CCDC170: variants seen among roughly 807,000 people sequenced by gnomAD.
CCDC170 encodes coiled-coil domain-containing protein 170.
CCDC170 carries 69 observed loss-of-function variants against 72.6 expected under a neutral mutation model. That is an observed-to-expected ratio of 0.95 (90% confidence interval 0.78 to 1.16). The LOEUF (loss-of-function observed/expected upper bound fraction) is 1.16, where lower values mean the gene tolerates loss of function less well. Among genes scored for constraint, CCDC170 ranks in the 50% most tolerant of loss-of-function variants. The pLI, the probability that CCDC170 is intolerant of heterozygous loss-of-function variation, is 0.00. For synonymous variants in CCDC170, 300 were observed against 303.9 expected, an observed-to-expected ratio of 0.99 and a Z score of 0.13; for missense variants, 852 against 832.5, an observed-to-expected ratio of 1.02 and a Z score of -0.29.
At chr6:151,586,839 C>T (rs1776457538) in intron 7 of CCDC170, among the ~76,000 whole-genome samples, 2 of 151,998 alleles carry the variant, frequency 1.3e-5, no homozygotes. Flanking sequence ...GGCTGGAGTG[C>T]AGTGGCGTGA....
At chr6:151,536,506 A>G (rs974176926) in intron 2 of CCDC170, 60 bp downstream of exon 2, 45 of 1,588,096 alleles carry the variant, frequency 2.8e-5, no homozygotes, top group Non-Finnish European at 3.4e-5. Flanking sequence ...ATAAAATGAA[A>G]CAGATCACGC....
chr6:151,549,721 C>T (rs916856292), intron 5 of CCDC170, among the ~76,000 whole-genome samples: 3 of 152,194 alleles, frequency 2.0e-5, no homozygotes, highest in Non-Finnish European at 4.4e-5. Flanking sequence ...GCCATTGAGC[C>T]CTGCCCCAGT....
In CCDC170 at chr6:151,618,179, G is replaced by A; in HGVS notation, c.*32G>A. 1 of 1,560,712 alleles carries A rather than the reference G, an allele frequency of 6.4e-7. No individual in the cohort carries two copies. On this transcript the variant is annotated 3_prime_UTR_variant, in exon 11 of 11. Coordinates refer to ENST00000239374, the MANE Select transcript of CCDC170 (RefSeq NM_025059.4). ...TATCTCTTGAGAGAGGTGGCCATAAGACATGGCACACAATTCCCAATTTCA... is the reference window on the plus strand; with the variant it reads ...TATCTCTTGAGAGAGGTGGCCATAAAACATGGCACACAATTCCCAATTTCA...
At chr6:151,533,439 A>G (rs909354338) in intron 1 of CCDC170, among the ~76,000 whole-genome samples, 2 of 151,916 alleles carry the variant, frequency 1.3e-5, no homozygotes, top group African/African-American at 2.4e-5. Context: ...AGGCTGAGGC[A>G]GGCAGATCAC....
intron 1 of CCDC170, among the ~76,000 whole-genome samples, chr6:151,529,446 C>T (rs1222460679): frequency 6.6e-6 from 1 of 152,080 alleles, no homozygotes; most frequent in African/African-American, 2.4e-5. Flanking sequence ...ATCACGAGGT[C>T]AAGAGATCGA....
chr6:151,600,569 G>T (rs935026328), intron 9 of CCDC170, among the ~76,000 whole-genome samples: 2 of 151,760 alleles, frequency 1.3e-5, no homozygotes, highest in African/African-American at 4.8e-5. Context: ...ACCTGCAAAG[G>T]CCCTTATCTA....
chr6:151,599,210 C>A (rs1776668144), intron 9 of CCDC170, among the ~76,000 whole-genome samples: 1 of 152,194 alleles, frequency 6.6e-6, no homozygotes, highest in Admixed American at 6.5e-5. Flanking sequence ...TGATCTAACA[C>A]TTTTGAAGAA....
chr6:151,536,348 G>T lies in CCDC170; in HGVS notation c.88G>T (p.Val30Phe). The T allele has an allele frequency of 1.9e-6, 3 of 1,614,106 alleles. No individual in the cohort carries two copies. The highest frequency in any genetic ancestry group is 1.3e-5 in the African/African-American group (1 of 75,040). Residue 30 changes from valine to phenylalanine, a missense_variant, in exon 2 of 11, where the codon GTC becomes TTC. Transcript: ENST00000239374. Reference protein sequence around the residue: ...ETYDHLSEVPVTREQLNHYRN... With the variant: ...ETYDHLSEVPFTREQLNHYRN... ...TTACGATCATCTTTCGGAAGTCCCG[G>T]TCACGCGGGAGCAGTTAAACCACTA...
intron 7 of CCDC170, among the ~76,000 whole-genome samples, chr6:151,588,747 C>G (rs190228797): frequency 3.3e-5 from 5 of 152,040 alleles, no homozygotes; most frequent in Admixed American, 3.3e-4. Context: ...TCAAGACCAG[C>G]CTGGGCAACA....
chr6:151,588,605 T>C (rs917309908), intron 7 of CCDC170, among the ~76,000 whole-genome samples: 1 of 152,134 alleles, frequency 6.6e-6, no homozygotes, highest in Non-Finnish European at 1.5e-5. Context: ...GCTTTTTCTG[T>C]TAGATGTCTG....
In CCDC170 at chr6:151,538,052, AC is replaced by A; in HGVS notation, c.196del (p.Leu66SerfsTer15). On this transcript the variant is annotated frameshift_variant, in exon 3 of 11. Transcript: ENST00000239374. LOFTEE classifies it high-confidence loss of function. ...ACTTCTTTTCCATGTTAGCTTCAAG[AC>A]CTCCGATCCAAGATGCTTTCTAAAG... ...KFECAQSELQDLRSKMLSKEV... is the reference protein window; with the variant it reads ...KFECAQSELQXLRSKMLSKEV... The A allele has an allele frequency of 1.2e-6, 2 of 1,605,588 alleles. No homozygotes were observed. Among genetic ancestry groups the A allele is most frequent in the Non-Finnish European group, 1.7e-6 (2 of 1,177,204 alleles).
rs138188575 is a variant in CCDC170, at chr6:151,543,704, G to A, written c.444-868G>A. On this transcript the variant is annotated intron_variant, in intron 3 of 10. Coordinates refer to ENST00000239374, the MANE Select transcript of CCDC170 (RefSeq NM_025059.4). ...TCAATTTTTTGTAGCTTCCACATAT[G>A]AGTGAAAACATGAGGTAATTATCTT... Among the ~76,000 whole-genome samples the A allele has an allele frequency of 5.7e-3, 866 of 152,166 alleles. 9 individuals carry two copies. Among genetic ancestry groups the A allele is most frequent in the African/African-American group, 0.02 (825 of 41,534 alleles).
chr6:151,610,231 T>C (rs1193017335), intron 9 of CCDC170, among the ~76,000 whole-genome samples: 1 of 152,246 alleles, frequency 6.6e-6, no homozygotes, highest in Non-Finnish European at 1.5e-5. Flanking sequence ...CTACAGAATA[T>C]ATTATTTTGA....
chr6:151,511,179 G>T (rs868106717), intron 1 of CCDC170, among the ~76,000 whole-genome samples: 5 of 152,216 alleles, frequency 3.3e-5, no homozygotes, highest in Middle Eastern at 3.4e-3. Flanking sequence ...CACTAACTTT[G>T]CTTCTAAGTT....
At chr6:151,538,809 G>T (rs1032759545) in intron 3 of CCDC170, among the ~76,000 whole-genome samples, 12 of 152,142 alleles carry the variant, frequency 7.9e-5, no homozygotes, top group Non-Finnish European at 5.9e-5. Context: ...GGAATGAGTT[G>T]TTCCTAAAAT....
intron 1 of CCDC170, among the ~76,000 whole-genome samples, chr6:151,534,833 T>C (rs781778236): frequency 1.1e-4 from 16 of 152,214 alleles, no homozygotes; most frequent in Non-Finnish European, 2.1e-4. Flanking sequence ...AGTGGAGTAG[T>C]CTCTGGCAGT....
At chr6:151,517,086 AG>A (rs1782246435) in intron 1 of CCDC170, among the ~76,000 whole-genome samples, 2 of 152,206 alleles carry the variant, frequency 1.3e-5, no homozygotes, top group African/African-American at 4.8e-5. Flanking sequence ...CTATAATCCT[AG>A]CACTTTGGGA....
At chr6:151,508,755 C>T (rs144859950) in intron 1 of CCDC170, among the ~76,000 whole-genome samples, 3,687 of 151,928 alleles carry the variant, frequency 0.024, 155 homozygotes, top group African/African-American at 0.085. Context: ...GTGGCTCACG[C>T]CTGTAATCCC....
intron 7 of CCDC170, among the ~76,000 whole-genome samples, chr6:151,591,258 A>G (rs1776530513): frequency 6.6e-6 from 1 of 152,220 alleles, no homozygotes; most frequent in East Asian, 1.9e-4. Context: ...AGAAAATATC[A>G]AAGATAAAAC....
Sources: gnomAD v4.1 joint callset for allele counts (sites outside exome capture counted in the v4.1 genomes callset) on GRCh38, gnomAD v4.1.1 for gene constraint, MANE v1.5 for transcripts, NCBI Gene and HGNC (gene_info 2026-07-23, HGNC 2026-07-21) for gene names.